The following MAL2 variants were observed in gnomAD, a reference collection of about 807,000 sequenced individuals.
The protein encoded by MAL2 is mal, T cell differentiation protein 2.
A neutral mutation model predicts 18.1 loss-of-function variants in MAL2; 17 were observed. The observed-to-expected ratio is 0.94, with a 90% CI of 0.64 to 1.41. The LOEUF (loss-of-function observed/expected upper bound fraction) is 1.41, where lower values mean the gene tolerates loss of function less well. Among genes scored for constraint, MAL2 ranks in the 40% most tolerant of loss-of-function variants. MAL2 has a pLI of 0.00. For synonymous variants in MAL2, 102 were observed against 102.3 expected (o/e 1.00, Z 0.02); for missense variants, 222 against 231.9 (o/e 0.96, Z 0.28).
At chr8:119,242,823 G>T (rs1472154841) in intron 3 of MAL2, among the ~76,000 whole-genome samples, 1 of 152,188 alleles carries the variant, frequency 6.6e-6, no homozygotes, top group East Asian at 1.9e-4. Flanking sequence ...ATTATCTACT[G>T]TTTGTTTATA....
intron 2 of MAL2, among the ~76,000 whole-genome samples, chr8:119,233,915 C>CA (rs1469372811): frequency 1.3e-5 from 2 of 152,098 alleles, no homozygotes; most frequent in African/African-American, 4.8e-5. Flanking sequence ...AACATTGATG[C>CA]AAAAATCCTC....
At chr8:119,212,387 A>T (rs937915668) in intron 1 of MAL2, among the ~76,000 whole-genome samples, 1 of 152,192 alleles carries the variant, frequency 6.6e-6, no homozygotes, top group Non-Finnish European at 1.5e-5. Flanking sequence ...ATTCTTATTC[A>T]CATGCTTCTA....
intron 2 of MAL2, among the ~76,000 whole-genome samples, chr8:119,238,883 A>G (rs1294948683): frequency 6.6e-6 from 1 of 151,862 alleles, no homozygotes; most frequent in African/African-American, 2.4e-5. Context: ...CTTCATGTCT[A>G]AAACACCAAA....
rs372585334 is a variant in MAL2, at chr8:119,240,211, T to C, written c.350T>C (p.Phe117Ser). 7 of 1,613,732 alleles carry C rather than the reference T, an allele frequency of 4.3e-6. No homozygotes were observed. The highest frequency in any genetic ancestry group is 5.9e-6 in the Non-Finnish European group (7 of 1,179,838). ...GTATTTGTCTTCTATTTTGGAGCCT[T>C]TTTATTGGAAGCAGCAGCCACATCC... ...FTVFVFYFGA[F>S]LLEAAATSLH... The change falls in exon 3 of 4, where the codon TTT (phenylalanine) becomes TCT (serine). Residue 117 changes from phenylalanine to serine, a missense_variant. Coordinates refer to ENST00000614891, the MANE Select transcript of MAL2 (RefSeq NM_052886.3).
chr8:119,209,630 C>T (rs535944215), intron 1 of MAL2, among the ~76,000 whole-genome samples: 3 of 152,300 alleles, frequency 2.0e-5, no homozygotes, highest in Admixed American at 2.0e-4. Flanking sequence ...TCACCCTGGC[C>T]TTTGAGCTTG....
intron 3 of MAL2, among the ~76,000 whole-genome samples, chr8:119,241,368 A>G (rs1365977756): frequency 6.6e-6 from 1 of 151,762 alleles, no homozygotes. Context: ...TCTCTGAAAA[A>G]GGAAAAAAAA....
At chr8:119,239,450 G>A (rs953878579) in intron 2 of MAL2, among the ~76,000 whole-genome samples, 4 of 152,004 alleles carry the variant, frequency 2.6e-5, no homozygotes, top group South Asian at 4.1e-4. Flanking sequence ...AGATCATGCT[G>A]CTATAAAGAC....
intron 1 of MAL2, among the ~76,000 whole-genome samples, chr8:119,217,201 T>C (rs1294249007): frequency 6.6e-6 from 1 of 152,208 alleles, no homozygotes; most frequent in Non-Finnish European, 1.5e-5. Flanking sequence ...GGTTTTCTTA[T>C]GGTAGGGTTT....
intron 1 of MAL2, among the ~76,000 whole-genome samples, chr8:119,209,520 C>T (rs566699231): frequency 6.6e-6 from 1 of 152,322 alleles, no homozygotes; most frequent in African/African-American, 2.4e-5. Flanking sequence ...GAGGTTGCAT[C>T]ATGCCTGAGA....
rs188869306 is a variant in MAL2 at position 119,244,558 on chromosome 8, G to T, written c.*1070G>T. On this transcript the variant is annotated 3_prime_UTR_variant, in exon 4 of 4. Coordinates refer to ENST00000614891, the MANE Select transcript of MAL2 (RefSeq NM_052886.3). Reference sequence around the variant, plus strand: ...TGTGCATGAATATACCCATATTTGTGTGTGGATATGTGAAGCTTTTCCAAA... The same window carrying T: ...TGTGCATGAATATACCCATATTTGTTTGTGGATATGTGAAGCTTTTCCAAA... 3.3e-5 allele frequency: 5 copies of T among 151,960 alleles called. No individual in the cohort carries two copies. In the East Asian group the frequency reaches 9.7e-4, roughly 30 times the overall value. The allele number at this position is 151,960 out of a possible 1,614,324, so 9.4% of individuals were successfully genotyped here.
In MAL2 at chr8:119,208,786, T is replaced by G. The variant is rs1419414934; in HGVS notation, c.132+182T>G. On this transcript the variant is annotated intron_variant, in intron 1 of 3. Transcript: ENST00000614891. The surrounding 1 kb of genome is among the most constrained non-coding windows in gnomAD (Gnocchi z 4.3). ...GCGCCGCCGCCCGGGCCCTCCCTCC[T>G]AGCACCTGTTACGCGGGCACCTGCT... 5.3e-6 allele frequency: 5 copies of G among 941,958 alleles called. No homozygotes were observed. The highest frequency in any genetic ancestry group is 5.4e-5 in the South Asian group (1 of 18,414). 58.3% of individuals were successfully genotyped at this position (941,958 alleles called of 1,614,324 possible).
Position 119,243,980 on chromosome 8 carries a change from C to G in MAL2, c.*492C>G, listed in dbSNP as rs765121943. The G allele has an allele frequency of 2.6e-5, 4 of 152,458 alleles. No individual in the cohort carries two copies. Among genetic ancestry groups the G allele is most frequent in the Non-Finnish European group, 5.9e-5 (4 of 68,286 alleles). 9.4% of individuals were successfully genotyped at this position (152,458 alleles called of 1,614,324 possible). ...AAATATTTATGCTTCACGGTCCATA[C>G]AGTCTCTGTCACAACTATTCAGTTC... On this transcript the variant is annotated 3_prime_UTR_variant, in exon 4 of 4. Coordinates refer to ENST00000614891, the MANE Select transcript of MAL2 (RefSeq NM_052886.3).
chr8:119,222,119 C>G (rs899790613), intron 2 of MAL2, among the ~76,000 whole-genome samples: 4 of 152,092 alleles, frequency 2.6e-5, no homozygotes, highest in African/African-American at 4.8e-5. Context: ...CCATTAATTT[C>G]TGCCCCAGAT....
At position 119,239,311 on chromosome 8, in the gene MAL2, C is replaced by T. The variant is rs1425263045; in HGVS notation, c.304-854C>T. Among the ~76,000 whole-genome samples, 1,083 of 149,810 alleles carry T rather than the reference C, an allele frequency of 7.2e-3. 14 individuals are homozygous for T. Among genetic ancestry groups the T allele is most frequent in the African/African-American group, 0.026 (1,032 of 39,430 alleles). On this transcript the variant is annotated intron_variant, in intron 2 of 3. Coordinates refer to ENST00000614891, the MANE Select transcript of MAL2 (RefSeq NM_052886.3). ...AGAGGATGTGGAGAAATAGGAACAC[C>T]TTTACACTGTTGGTGGGACTGTAAA...
At chr8:119,240,403 A>G (rs759276608) in intron 3 of MAL2, 83 bp downstream of exon 3, 34 of 1,417,016 alleles carry the variant, frequency 2.4e-5, no homozygotes, top group Non-Finnish European at 3.0e-5. Context: ...TCAGGCAACA[A>G]TAGTTTTCTT....
At chr8:119,215,402 T>A (rs117622967) in intron 1 of MAL2, 4,561 of 152,250 alleles carry the variant, frequency 0.03, 103 homozygotes, top group Middle Eastern at 0.095. Flanking sequence ...TTGGTTTCCA[T>A]TCATTTCAAG....
chr8:119,234,252 G>C (rs183719498), intron 2 of MAL2, among the ~76,000 whole-genome samples: 1 of 152,096 alleles, frequency 6.6e-6, no homozygotes, highest in Non-Finnish European at 1.5e-5. Flanking sequence ...TTTTCAGACC[G>C]GCTTAAAAAA....
Position 119,240,206 on chromosome 8 carries a change from A to G in MAL2, c.345A>G (p.Gly115=), listed in dbSNP as rs773229243. The part of the protein sequence containing the change: ...YHFTVFVFYF[G]AFLLEAAATS... Reference sequence around the variant, plus strand: ...TTACAGTATTTGTCTTCTATTTTGGAGCCTTTTTATTGGAAGCAGCAGCCA... The same window carrying G: ...TTACAGTATTTGTCTTCTATTTTGGGGCCTTTTTATTGGAAGCAGCAGCCA... Residue 115 remains glycine (G), a synonymous_variant, in exon 3 of 4, where the codon GGA becomes GGG. Coordinates refer to ENST00000614891, the MANE Select transcript of MAL2 (RefSeq NM_052886.3). 1 of 1,613,468 alleles carries G rather than the reference A, an allele frequency of 6.2e-7. No individual in the cohort carries two copies. The highest frequency in any genetic ancestry group is 1.1e-5 in the South Asian group (1 of 91,056).
intron 2 of MAL2, among the ~76,000 whole-genome samples, chr8:119,237,565 C>G (rs970386811): frequency 6.6e-6 from 1 of 151,660 alleles, no homozygotes; most frequent in Admixed American, 6.5e-5. Context: ...ACGAATCCAG[C>G]AGCACATCAA....
Sources: gnomAD v4.1 joint callset for allele counts (sites outside exome capture counted in the v4.1 genomes callset) on GRCh38, gnomAD v4.1.1 for gene constraint, Gnocchi (gnomAD v3.1) non-coding constraint, MANE v1.5 for transcripts, NCBI Gene and HGNC (gene_info 2026-07-23, HGNC 2026-07-21) for gene names.